ARHGEF3: variants seen among roughly 807,000 people sequenced by gnomAD.
ARHGEF3 encodes 59.8 kDA protein.
ARHGEF3 carries 28 observed loss-of-function variants against 63.2 expected under a neutral mutation model. The observed-to-expected ratio is 0.44, with a 90% CI of 0.33 to 0.61. The LOEUF (loss-of-function observed/expected upper bound fraction) is 0.61. Ranked by LOEUF, ARHGEF3 falls within the 20% of genes least tolerant of loss-of-function variation. ARHGEF3 has a pLI of 0.03. For missense variants in ARHGEF3, 533 were observed against 659.3 expected, an observed-to-expected ratio of 0.81 and a Z score of 2.10; for synonymous variants, 266 against 254.2, an observed-to-expected ratio of 1.05 and a Z score of -0.44.
chr3:56,841,357 C>G (rs2039301791), intron 4 of ARHGEF3, among the ~76,000 whole-genome samples: 2 of 152,150 alleles, frequency 1.3e-5, no homozygotes, highest in African/African-American at 4.8e-5. Flanking sequence ...ATCCCCCTTT[C>G]AGCTATAGCA....
rs570838709 is a variant in ARHGEF3 at position 56,755,004 on chromosome 3, A to C, written c.352T>G (p.Ser118Ala). The C allele has an allele frequency of 5.6e-6, 9 of 1,614,170 alleles. No individual in the cohort carries two copies. The African/African-American group carries it at 9.3e-5, about 17-fold the overall frequency. ...ACCTCCTGACGTTTGATTTCCTTGG[A>C]TGTAAGCATCTGATTGACGCACACA... is the stretch of plus-strand genomic sequence containing the variant. ...FDVCVNQMLTSKEIKRQEAIF... is the reference protein window; with the variant it reads ...FDVCVNQMLTAKEIKRQEAIF... Residue 118 changes from serine (S) to alanine (A), a missense_variant, in exon 3 of 10, where the codon TCC becomes GCC. Physicochemically the swap from Ser to Ala is moderately conservative, Grantham distance 99. Coordinates refer to ENST00000296315, the MANE Select transcript of ARHGEF3 (RefSeq NM_019555.3).
At chr3:57,075,508 T>A (rs1456561857) in intron 1 of ARHGEF3, 1 of 106,154 alleles carries the variant, frequency 9.4e-6, no homozygotes. Context: ...TTCTTCTTTT[T>A]TTAAGAAAAA....
chr3:56,867,645 A>G (rs1353803867), intron 4 of ARHGEF3, among the ~76,000 whole-genome samples: 2 of 151,904 alleles, frequency 1.3e-5, no homozygotes, highest in South Asian at 2.1e-4. Context: ...TAATTTTTAT[A>G]TTTTTCATAG....
intron 3 of ARHGEF3, among the ~76,000 whole-genome samples, chr3:56,911,576 T>C (rs1309792613): frequency 6.6e-6 from 1 of 152,106 alleles, no homozygotes; most frequent in Non-Finnish European, 1.5e-5. Context: ...GTCTGAGTGT[T>C]CCATCAAGAG....
intron 1 of ARHGEF3, among the ~76,000 whole-genome samples, chr3:56,801,323 C>G (rs2037637815): frequency 6.6e-6 from 1 of 152,152 alleles, no homozygotes; most frequent in African/African-American, 2.4e-5. Flanking sequence ...GGCTTGCTGA[C>G]ACTTCCCTGA....
chr3:56,859,024 G>C (rs2039977739), intron 4 of ARHGEF3, among the ~76,000 whole-genome samples: 2 of 152,196 alleles, frequency 1.3e-5, no homozygotes, highest in Non-Finnish European at 2.9e-5. Context: ...GAAAGACCAA[G>C]GATGGGACTG....
At chr3:56,731,381 A>G (rs1486399709) in intron 9 of ARHGEF3, among the ~76,000 whole-genome samples, 2 of 151,968 alleles carry the variant, frequency 1.3e-5, no homozygotes, top group African/African-American at 4.8e-5. Flanking sequence ...AAATACAAAA[A>G]TTAGCCAGGT....
intron 2 of ARHGEF3, chr3:56,977,454 C>T (rs1313535578): frequency 2.6e-6 from 1 of 378,154 alleles, no homozygotes; most frequent in Non-Finnish European, 5.2e-6. Flanking sequence ...GGCAAAGATG[C>T]TCTTCCCACT....
At chr3:56,914,367 A>C (rs1449902698) in intron 3 of ARHGEF3, among the ~76,000 whole-genome samples, 2 of 152,260 alleles carry the variant, frequency 1.3e-5, no homozygotes, top group Non-Finnish European at 2.9e-5. Context: ...AAGCAACCCA[A>C]GGCCCATCCA....
intron 2 of ARHGEF3, among the ~76,000 whole-genome samples, chr3:56,767,839 T>G (rs909797127): frequency 1.1e-4 from 16 of 151,738 alleles, no homozygotes; most frequent in African/African-American, 3.9e-4. Flanking sequence ...CTCCACCTCC[T>G]GGGTTCAAGT....
In ARHGEF3 at chr3:56,968,225, T is replaced by TATATAAAAATATATATTATATATA. The variant is rs1560094264; in HGVS notation, c.63-9337_63-9336insTATATATAATATATATTTTTATAT. 4.1e-4 allele frequency among the ~76,000 whole-genome samples: 7 copies of TATATAAAAATATATATTATATATA among 16,980 alleles called. No homozygotes were observed. The East Asian group carries it at 8.2e-3, about 20-fold the overall frequency. The allele number at this position is 16,980 out of a possible 152,430, so 11.1% of individuals were successfully genotyped here. A position where few individuals can be genotyped will look rare whatever the true frequency, so the allele number is the denominator to read the frequency against. ...ATATAAAAATATATATTATATATAA[T>TATATAAAAATATATATTATATATA]ATATATATAAATATATATATTAATA... is the stretch of plus-strand genomic sequence containing the variant. On this transcript the variant is annotated intron_variant, in intron 2 of 12. Transcript: ENST00000338458.
intron 1 of ARHGEF3, among the ~76,000 whole-genome samples, chr3:57,076,270 C>G (rs529365754): frequency 4.0e-5 from 6 of 151,832 alleles, no homozygotes; most frequent in African/African-American, 1.5e-4. Flanking sequence ...ATGGCAATGG[C>G]CTTTCTGCTT....
chr3:56,900,562 C>A (rs902412919), intron 3 of ARHGEF3, among the ~76,000 whole-genome samples: 3 of 152,062 alleles, frequency 2.0e-5, no homozygotes, highest in African/African-American at 7.2e-5. Flanking sequence ...CCACGGAAGT[C>A]AAAGCTGCAG....
At chr3:56,843,346 G>A (rs1296736944) in intron 4 of ARHGEF3, among the ~76,000 whole-genome samples, 3 of 152,064 alleles carry the variant, frequency 2.0e-5, no homozygotes, top group Admixed American at 2.0e-4. Flanking sequence ...TGCAACCTCT[G>A]CATCCTGGGC....
At chr3:56,880,681 A>C (rs2040737468) in intron 4 of ARHGEF3, among the ~76,000 whole-genome samples, 1 of 152,218 alleles carries the variant, frequency 6.6e-6, no homozygotes, top group African/African-American at 2.4e-5. Flanking sequence ...GTAAATTCTG[A>C]CAGTCTTTAA....
At chr3:56,971,516 A>T (rs1700910352) in intron 2 of ARHGEF3, among the ~76,000 whole-genome samples, 1 of 152,116 alleles carries the variant, frequency 6.6e-6, no homozygotes, top group Non-Finnish European at 1.5e-5. Flanking sequence ...AGAGATGGAC[A>T]GTCAGGCCCC....
At chr3:57,010,273 T>C (rs879603397) in intron 2 of ARHGEF3, among the ~76,000 whole-genome samples, 3 of 151,894 alleles carry the variant, frequency 2.0e-5, no homozygotes, top group South Asian at 4.2e-4. Flanking sequence ...GCTAACATGG[T>C]GAAACCCCAT....
chr3:56,868,517 C>T (rs1311978813), intron 4 of ARHGEF3, among the ~76,000 whole-genome samples: 3 of 151,990 alleles, frequency 2.0e-5, no homozygotes, highest in Non-Finnish European at 4.4e-5. Flanking sequence ...CGTGTGCCAC[C>T]ACATCCGGCT....
chr3:56,947,160 C>T (rs528489949), intron 3 of ARHGEF3, among the ~76,000 whole-genome samples: 1 of 152,132 alleles, frequency 6.6e-6, no homozygotes, highest in African/African-American at 2.4e-5. Context: ...CCAGTACCAG[C>T]CACTGCAAAA....
Sources: gnomAD v4.1 joint callset for allele counts (sites outside exome capture counted in the v4.1 genomes callset) on GRCh38, gnomAD v4.1.1 for gene constraint, MANE v1.5 for transcripts, NCBI Gene and HGNC (gene_info 2026-07-23, HGNC 2026-07-21) for gene names.